The following CDC42BPB variants were observed in gnomAD, a reference collection of about 807,000 sequenced individuals.
CDC42BPB encodes serine/threonine-protein kinase MRCK beta.
CDC42BPB carries 37 observed loss-of-function variants against 214.9 expected under a neutral mutation model. The observed-to-expected ratio is 0.17, with a 90% CI of 0.13 to 0.23. The LOEUF (loss-of-function observed/expected upper bound fraction) is 0.23, where lower values mean the gene tolerates loss of function less well. Ranked by LOEUF, CDC42BPB falls within the 10% of genes least tolerant of loss-of-function variation. CDC42BPB has a pLI of 1.00. For synonymous variants in CDC42BPB, 931 were observed against 884.0 expected, an observed-to-expected ratio of 1.05 and a Z score of -0.94; for missense variants, 1,694 against 2,227.0, an observed-to-expected ratio of 0.76 and a Z score of 4.82.
intron 1 of CDC42BPB, among the ~76,000 whole-genome samples, chr14:103,026,177 C>T (rs1267654768): frequency 6.6e-6 from 1 of 152,092 alleles, no homozygotes; most frequent in African/African-American, 2.4e-5. Context: ...GTGAGTGGAT[C>T]ATGAGGTCAA....
At chr14:103,044,701 G>A (rs571615070) in intron 1 of CDC42BPB, among the ~76,000 whole-genome samples, 2 of 150,470 alleles carry the variant, frequency 1.3e-5, no homozygotes, top group South Asian at 4.2e-4. Flanking sequence ...GCAGAGACGG[G>A]GGTCTCACTA....
In CDC42BPB at chr14:103,025,819, A is replaced by G. The variant is rs534622357; in HGVS notation, c.176-13631T>C. Among the ~76,000 whole-genome samples the G allele has an allele frequency of 3.3e-5, 5 of 152,172 alleles. No individual in the cohort carries two copies. The South Asian group carries it at 8.3e-4, about 25-fold the overall frequency. On this transcript the variant is annotated intron_variant, in intron 1 of 36. Transcript: ENST00000361246. ...GAGACTCTGTCTCAAAAAAAAAAAAAAAGGATGAACTCCTGTCATACACAA... is the reference window on the plus strand; with the variant it reads ...GAGACTCTGTCTCAAAAAAAAAAAAGAAGGATGAACTCCTGTCATACACAA...
intron 1 of CDC42BPB, chr14:103,041,343 A>G: frequency 2.1e-6 from 1 of 477,430 alleles, no homozygotes; most frequent in South Asian, 3.2e-5. Context: ...ACACATGTAT[A>G]AAAGAAAACA....
rs767629176 is a variant in CDC42BPB, at chr14:102,943,329, G to A, written c.4408+562C>T. Among the ~76,000 whole-genome samples the A allele has an allele frequency of 6.6e-6, 1 of 152,190 alleles. No homozygotes were observed. The highest frequency in any genetic ancestry group is 2.1e-4 in the South Asian group (1 of 4,828). On this transcript the variant is annotated intron_variant, in intron 30 of 36. Transcript: ENST00000361246. This position sits in a 1 kb window ranked among gnomAD's most constrained non-coding sequence, Gnocchi z 4.6. Reference sequence around the variant, plus strand: ...CGGGCCAGTCGGGAAGTGTCCACTGGTCCTACCTGTTCCCCAGTGCCACCA... The same window carrying A: ...CGGGCCAGTCGGGAAGTGTCCACTGATCCTACCTGTTCCCCAGTGCCACCA...
At chr14:102,984,100 A>G (rs1369206760) in intron 6 of CDC42BPB, among the ~76,000 whole-genome samples, 2 of 152,206 alleles carry the variant, frequency 1.3e-5, no homozygotes, top group Non-Finnish European at 1.5e-5. Context: ...TTGAAGCACT[A>G]AACATTATGC....
At chr14:103,043,261 CAAATA>C (rs1391880665) in intron 1 of CDC42BPB, among the ~76,000 whole-genome samples, 3 of 152,018 alleles carry the variant, frequency 2.0e-5, no homozygotes, top group African/African-American at 7.2e-5. Flanking sequence ...ACAAAAACAC[CAAATA>C]AATAAACAAA....
Position 102,945,715 on chromosome 14 carries a change from C to T in CDC42BPB, c.3758G>A (p.Arg1253Lys). The T allele has an allele frequency of 6.2e-7, 1 of 1,612,888 alleles. No individual in the cohort carries two copies. The highest frequency in any genetic ancestry group is 8.5e-7 in the Non-Finnish European group (1 of 1,179,854). Residue 1253 changes from arginine (R) to lysine (K), a missense_variant, in exon 29 of 37, where the codon AGG becomes AAG. Physicochemically the swap from Arg to Lys is conservative, Grantham distance 26. This residue lies in a region of CDC42BPB where 567 missense variants were observed against 790.3 expected (regional missense o/e 0.72). Transcript: ENST00000361246. Reference protein sequence around the residue: ...ILTAAIVDADRIAVGLEEGLY... With the variant: ...ILTAAIVDADKIAVGLEEGLY... ...CCCTTCTTCTAGGCCGACTGCAATC[C>T]TGTCTGCATCTGTGGAGGGGTAAGT...
At chr14:103,025,183 C>T (rs1233883322) in intron 1 of CDC42BPB, among the ~76,000 whole-genome samples, 1 of 152,156 alleles carries the variant, frequency 6.6e-6, no homozygotes, top group Non-Finnish European at 1.5e-5. Context: ...TGAACTGTGT[C>T]TTTCAAATTA....
At chr14:103,056,847 G>T in intron 1 of CDC42BPB, 152 bp downstream of exon 1, 1 of 502,570 alleles carries the variant, frequency 2.0e-6, no homozygotes, top group Non-Finnish European at 3.4e-6. Context: ...GCCTGGGGGC[G>T]CTGCCAGAGC....
intron 4 of CDC42BPB, among the ~76,000 whole-genome samples, chr14:103,003,610 C>T (rs902577555): frequency 3.3e-5 from 5 of 152,238 alleles, no homozygotes; most frequent in African/African-American, 7.2e-5. Flanking sequence ...TTAATCCCCA[C>T]TGCGGTTCCT....
At chr14:102,952,698 T>C in intron 23 of CDC42BPB, 95 bp from the exon 24 acceptor site, 1 of 1,514,486 alleles carries the variant, frequency 6.6e-7, no homozygotes, top group Non-Finnish European at 8.9e-7. Flanking sequence ...AGCTTGGGCA[T>C]TATCCTGAAA....
chr14:103,020,126 T>C (rs557484561), intron 1 of CDC42BPB, among the ~76,000 whole-genome samples: 27 of 152,352 alleles, frequency 1.8e-4, no homozygotes, highest in African/African-American at 6.0e-4. Flanking sequence ...CCTGGATGGT[T>C]CTGTTCATCC....
At position 103,049,565 on chromosome 14, in the gene CDC42BPB, C is replaced by T. The variant is rs889530384; in HGVS notation, c.175+7434G>A. Among the ~76,000 whole-genome samples the T allele has an allele frequency of 8.5e-5, 13 of 152,324 alleles. No individual in the cohort carries two copies. The East Asian group carries it at 2.3e-3, about 27-fold the overall frequency. On this transcript the variant is annotated intron_variant, in intron 1 of 36. Coordinates refer to ENST00000361246, the MANE Select transcript of CDC42BPB (RefSeq NM_006035.4). ...GTGGGAAGTTGGAGCGCGGAGCAAGCGACTGGTAGAGGGACTGCTGTCTTG... is the reference window on the plus strand; with the variant it reads ...GTGGGAAGTTGGAGCGCGGAGCAAGTGACTGGTAGAGGGACTGCTGTCTTG...
intron 36 of CDC42BPB, chr14:102,937,049 T>G (rs1891675197): frequency 6.6e-6 from 1 of 152,200 alleles, no homozygotes. Flanking sequence ...AATTGTTGTT[T>G]TGTGAATTTC....
At chr14:102,970,286 A>C in intron 13 of CDC42BPB, 25 bp from the exon 14 acceptor site, 2 of 1,594,614 alleles carry the variant, frequency 1.3e-6, no homozygotes, top group Non-Finnish European at 1.7e-6. Flanking sequence ...TCCAGTTTCT[A>C]TTAACAAAAA....
rs191704941 is a variant in CDC42BPB at position 102,961,821 on chromosome 14, G to C, written c.2821+1240C>G. ...GCCTCCCGAAGTGTTGGGATTACAG[G>C]CGTGAGCCACCGCACCGGCTGCAAA... On this transcript the variant is annotated intron_variant, in intron 20 of 36. Transcript: ENST00000361246. Among the ~76,000 whole-genome samples the C allele has an allele frequency of 3.9e-5, 6 of 152,284 alleles. No individual in the cohort carries two copies. In the East Asian group the frequency reaches 1.2e-3, roughly 29 times the overall value.
At chr14:102,974,667 T>C (rs1595483752) in intron 11 of CDC42BPB, among the ~76,000 whole-genome samples, 1 of 152,300 alleles carries the variant, frequency 6.6e-6, no homozygotes, top group Admixed American at 6.5e-5. Flanking sequence ...TTAAAAGTGA[T>C]TGGAGCCAGG....
At chr14:102,973,814 C>T (rs1893599738) in intron 12 of CDC42BPB, among the ~76,000 whole-genome samples, 2 of 152,358 alleles carry the variant, frequency 1.3e-5, no homozygotes, top group South Asian at 4.1e-4. Flanking sequence ...GGGAGCCAAG[C>T]TCTGCCAGCC....
intron 8 of CDC42BPB, among the ~76,000 whole-genome samples, chr14:102,979,995 T>C (rs577227311): frequency 2.0e-5 from 3 of 152,206 alleles, no homozygotes; most frequent in Non-Finnish European, 2.9e-5. Context: ...GAAACACCAA[T>C]GCAGACACAA....
Sources: allele counts gnomAD v4.1 joint callset (sites outside exome capture counted in the v4.1 genomes callset), GRCh38; gene constraint gnomAD v4.1.1; regional missense constraint gnomAD v4.1.1; non-coding constraint Gnocchi (gnomAD v3.1); transcripts MANE v1.5; gene names NCBI Gene and HGNC (gene_info 2026-07-23, HGNC 2026-07-21).